KRABD5: variants seen among roughly 807,000 people sequenced by gnomAD.
KRABD5 encodes KRAB domain-containing protein 5.
chr16:31,747,167 T>A, the KRABD5 span, among the ~76,000 whole-genome samples: 1 of 115,610 alleles, frequency 8.6e-6, no homozygotes, highest in Non-Finnish European at 1.7e-5. Context: ...CAGGCCCCAG[T>A]GTGTGATGTT....
the KRABD5 span, among the ~76,000 whole-genome samples, chr16:31,734,739 T>C: frequency 0.13 from 20,206 of 151,610 alleles, 1,769 homozygotes; most frequent in South Asian, 0.32. Flanking sequence ...AGCTTTTTTT[T>C]CCTTTTCTTT....
chr16:31,753,077 A>T, the KRABD5 span, among the ~76,000 whole-genome samples: 3 of 152,106 alleles, frequency 2.0e-5, no homozygotes, highest in African/African-American at 7.2e-5. Context: ...TATTCCATCT[A>T]TTATGGAATG....
At chr16:31,746,275 G>C in the KRABD5 span, among the ~76,000 whole-genome samples, 1 of 151,974 alleles carries the variant, frequency 6.6e-6, no homozygotes, top group Non-Finnish European at 1.5e-5. Flanking sequence ...TCCATTTTTA[G>C]TACTTCTTTC....
At chr16:31,738,400 T>A in the KRABD5 span, among the ~76,000 whole-genome samples, 5 of 152,298 alleles carry the variant, frequency 3.3e-5, no homozygotes, top group East Asian at 3.8e-4. Flanking sequence ...TGCATATATG[T>A]TAATATTTAT....
At chr16:31,756,313 G>T in the KRABD5 span, 2 of 152,038 alleles carry the variant, frequency 1.3e-5, no homozygotes, top group Non-Finnish European at 2.9e-5. Flanking sequence ...TAGGGCATTA[G>T]TATTCTATAC....
At chr16:31,736,359 T>C in the KRABD5 span, among the ~76,000 whole-genome samples, 1 of 151,948 alleles carries the variant, frequency 6.6e-6, no homozygotes. Flanking sequence ...TTCCTTTTGC[T>C]CAGGATTGCT....
chr16:31,729,760 T>G, the KRABD5 span, among the ~76,000 whole-genome samples: 2 of 152,148 alleles, frequency 1.3e-5, no homozygotes, highest in African/African-American at 4.8e-5. Context: ...TTGTTTTTGT[T>G]GTTTTTATAT....
chr16:31,753,740 T>G, the KRABD5 span: 1 of 1,447,808 alleles, frequency 6.9e-7, no homozygotes. Flanking sequence ...GTAATTGGAA[T>G]TTTGAAAACT....
At chr16:31,754,012 T>G in the KRABD5 span, 1 of 1,296,118 alleles carries the variant, frequency 7.7e-7, no homozygotes, top group East Asian at 2.5e-5. Flanking sequence ...AAAACTCAAT[T>G]TATGTCAGTT....
chr16:31,728,658 T>G, the KRABD5 span, among the ~76,000 whole-genome samples: 1 of 152,238 alleles, frequency 6.6e-6, no homozygotes, highest in Non-Finnish European at 1.5e-5. Context: ...AAAAAAAACT[T>G]GATATAATTT....
chr16:31,754,024 C>A, the KRABD5 span: 1 of 1,203,838 alleles, frequency 8.3e-7, no homozygotes, highest in Non-Finnish European at 1.2e-6. Context: ...ATGTCAGTTG[C>A]TTTTTCTAAA....
the KRABD5 span, among the ~76,000 whole-genome samples, chr16:31,718,007 C>G: frequency 6.6e-6 from 1 of 152,146 alleles, no homozygotes; most frequent in African/African-American, 2.4e-5. Flanking sequence ...ATCTTCAGAC[C>G]TGAAACCGAT....
the KRABD5 span, chr16:31,713,353 A>G: frequency 5.1e-6 from 8 of 1,563,666 alleles, no homozygotes; most frequent in African/African-American, 6.8e-5. Flanking sequence ...CTGAGAATAG[A>G]CAGAACCTCT....
the KRABD5 span, among the ~76,000 whole-genome samples, chr16:31,749,902 G>A: frequency 2.0e-5 from 3 of 152,112 alleles, no homozygotes; most frequent in African/African-American, 7.2e-5. Flanking sequence ...GCCCCTGTGT[G>A]TATTTTTATG....
At chr16:31,713,282 T>C in the KRABD5 span, 7 of 1,072,176 alleles carry the variant, frequency 6.5e-6, no homozygotes, top group Non-Finnish European at 9.6e-6. Flanking sequence ...CAGTAAGAGC[T>C]CAGTCTCTTC....
the KRABD5 span, among the ~76,000 whole-genome samples, chr16:31,747,423 T>G: frequency 6.6e-6 from 1 of 152,234 alleles, no homozygotes; most frequent in African/African-American, 2.4e-5. Flanking sequence ...AAGTCTTTGC[T>G]ATTGTGAATG....
At chr16:31,743,008 T>G in the KRABD5 span, among the ~76,000 whole-genome samples, 1 of 152,154 alleles carries the variant, frequency 6.6e-6, no homozygotes, top group East Asian at 1.9e-4. Flanking sequence ...TTGATGAGGT[T>G]GTTTTTTTCT....
chr16:31,732,970 C>T, the KRABD5 span, among the ~76,000 whole-genome samples: 1 of 152,084 alleles, frequency 6.6e-6, no homozygotes, highest in East Asian at 1.9e-4. Context: ...TAAAATTTCT[C>T]TTATTCTTGT....
the KRABD5 span, among the ~76,000 whole-genome samples, chr16:31,739,932 A>G: frequency 6.6e-6 from 1 of 152,236 alleles, no homozygotes; most frequent in African/African-American, 2.4e-5. Flanking sequence ...TGCTCCTGCT[A>G]CAGATAACTA....
Sources: allele counts gnomAD v4.1 joint callset (sites outside exome capture counted in the v4.1 genomes callset), GRCh38; gene constraint gnomAD v4.1.1; transcripts MANE v1.5; gene names NCBI Gene and HGNC (gene_info 2026-07-23, HGNC 2026-07-21).